HIP1: variants seen among roughly 807,000 people sequenced by gnomAD.
The protein encoded by HIP1 is huntingtin-interacting protein 1.
In HIP1, 65 loss-of-function variants were observed where a neutral mutation model predicts 147.6. The observed-to-expected ratio is 0.44, with a 90% CI of 0.36 to 0.54. The LOEUF is 0.54. Ranked by LOEUF, HIP1 falls within the 20% of genes least tolerant of loss-of-function variation. HIP1 has a pLI of 0.00. For synonymous variants in HIP1, 479 were observed against 504.0 expected (o/e 0.95, Z 0.67); for missense variants, 1,061 against 1,299.6 (o/e 0.82, Z 2.82).
chr7:75,712,183 GA>G (rs1361094271), intron 1 of HIP1, among the ~76,000 whole-genome samples: 229 of 151,886 alleles, frequency 1.5e-3, no homozygotes, highest in African/African-American at 4.4e-3. Context: ...TTTACGGGGG[GA>G]AAAAAAGTTA....
At chr7:75,692,586 A>AG (rs1800499276) in intron 1 of HIP1, among the ~76,000 whole-genome samples, 1 of 115,186 alleles carries the variant, frequency 8.7e-6, no homozygotes, top group Non-Finnish European at 1.8e-5. Flanking sequence ...ACGCCTGGCC[A>AG]ATTTTTTTTT....
intron 7 of HIP1, among the ~76,000 whole-genome samples, chr7:75,579,869 A>G (rs1171366085): frequency 6.6e-6 from 1 of 152,152 alleles, no homozygotes; most frequent in African/African-American, 2.4e-5. Flanking sequence ...GGAGACCTGC[A>G]ATGTGGAACG....
At chr7:75,559,261 C>T (rs587644809) in intron 14 of HIP1, among the ~76,000 whole-genome samples, 2 of 152,118 alleles carry the variant, frequency 1.3e-5, no homozygotes, top group Non-Finnish European at 2.9e-5. Context: ...ACTACAGGCA[C>T]GTGCCACCAT....
intron 2 of HIP1, among the ~76,000 whole-genome samples, chr7:75,596,213 G>A (rs1796737489): frequency 7.5e-6 from 1 of 132,512 alleles, no homozygotes; most frequent in African/African-American, 3.1e-5. Context: ...TCCAGCCTGG[G>A]TGACAGTGCA....
chr7:75,557,356 A>AC (rs880001420), intron 16 of HIP1, among the ~76,000 whole-genome samples: 18 of 151,648 alleles, frequency 1.2e-4, no homozygotes, highest in Non-Finnish European at 1.6e-4. Context: ...ACAAACAAAA[A>AC]AAAACGCTCA....
chr7:75,589,798 T>TCGGCTCAC (rs1250853561), intron 4 of HIP1, among the ~76,000 whole-genome samples: 3 of 148,788 alleles, frequency 2.0e-5, no homozygotes, highest in African/African-American at 7.4e-5. Context: ...TGGTGCGATC[T>TCGGCTCAC]CGGCTCACTG....
chr7:75,649,447 C>T (rs112058558), intron 1 of HIP1, among the ~76,000 whole-genome samples: 47 of 152,284 alleles, frequency 3.1e-4, no homozygotes, highest in African/African-American at 1.1e-3. Context: ...TCCAAGCACC[C>T]ACTATGCACA....
intron 1 of HIP1, among the ~76,000 whole-genome samples, chr7:75,699,804 G>A (rs1800760529): frequency 6.6e-6 from 1 of 152,050 alleles, no homozygotes; most frequent in Admixed American, 6.6e-5. Flanking sequence ...GTGGTTGTCA[G>A]GTTTGGAATG....
intron 29 of HIP1, 144 bp from the exon 30 acceptor site, chr7:75,539,575 C>T: frequency 1.6e-6 from 1 of 621,134 alleles, no homozygotes; most frequent in Non-Finnish European, 2.8e-6. Flanking sequence ...CTGTCTTGGC[C>T]TCCCAAAGTG....
At chr7:75,697,399 C>T (rs1315564866) in intron 1 of HIP1, among the ~76,000 whole-genome samples, 2 of 151,566 alleles carry the variant, frequency 1.3e-5, no homozygotes, top group African/African-American at 4.8e-5. Context: ...TCTAAAAAAA[C>T]ACAGTTCTCT....
chr7:75,664,011 T>C lies in HIP1; in HGVS notation c.121-64764A>G, dbSNP rs1799421454. ...ATATATATACACATATATGTGTATA[T>C]ATATACACATATATGTGTATATATA... On this transcript the variant is annotated intron_variant, in intron 1 of 30. Coordinates refer to ENST00000336926, the MANE Select transcript of HIP1 (RefSeq NM_005338.7). Among the ~76,000 whole-genome samples the C allele has an allele frequency of 2.0e-4, 5 of 25,164 alleles. 2 individuals carry two copies. The highest frequency in any genetic ancestry group is 9.7e-4 in the African/African-American group (2 of 2,066). The allele number at this position is 25,164 out of a possible 152,430, so 16.5% of individuals were successfully genotyped here. A position where few individuals can be genotyped will look rare whatever the true frequency, so the allele number is the denominator to read the frequency against.
At chr7:75,696,281 C>A (rs1045625722) in intron 1 of HIP1, among the ~76,000 whole-genome samples, 1 of 152,234 alleles carries the variant, frequency 6.6e-6, no homozygotes, top group African/African-American at 2.4e-5. Flanking sequence ...AGCCACCATG[C>A]CTGGCCTATC....
At position 75,554,531 on chromosome 7, in the gene HIP1, G is replaced by C; in HGVS notation, c.1964-5C>G. The stretch of plus-strand genomic sequence containing the variant: ...TGACCGTGGAGAGGAGGTGATCTGT[G>C]AGAGGGAACACAGGGCAAGGTCAGA... On this transcript the variant is annotated splice_polypyrimidine_tract_variant and splice_region_variant and intron_variant, in intron 19 of 30. Coordinates refer to ENST00000336926, the MANE Select transcript of HIP1 (RefSeq NM_005338.7). The C allele has an allele frequency of 6.2e-7, 1 of 1,611,346 alleles. No homozygotes were observed. Among genetic ancestry groups the C allele is most frequent in the Non-Finnish European group, 8.5e-7 (1 of 1,177,790 alleles).
chr7:75,592,187 G>A, intron 3 of HIP1, 75 bp from the exon 4 acceptor site: 1 of 1,489,334 alleles, frequency 6.7e-7, no homozygotes, highest in Non-Finnish European at 9.3e-7. Context: ...ATGGAGAGAG[G>A]CGGAGGTGAA....
chr7:75,559,791 T>C lies in HIP1; in HGVS notation c.1316A>G (p.Glu439Gly). ...DCEFLRAELD[E>G]LRRQREDTEK... ...GGTGTCCTCCCGCTGCCTCCTGAGC[T>C]CGTCCAGTTCTGCCCGCAGGAATTC... The change falls in exon 14 of 31, where the codon GAG becomes GGG. Residue 439 changes from glutamate (E) to glycine (G), a missense_variant. By Grantham distance (98) the Glu-to-Gly change is moderately conservative. Coordinates refer to ENST00000336926, the MANE Select transcript of HIP1 (RefSeq NM_005338.7). 1 of 1,586,010 alleles carries C rather than the reference T, an allele frequency of 6.3e-7. No homozygotes were observed. The highest frequency in any genetic ancestry group is 8.6e-7 in the Non-Finnish European group (1 of 1,165,698).
At chr7:75,592,277 AG>A (rs1796523806) in intron 3 of HIP1, 94 bp downstream of exon 3, 1 of 1,463,836 alleles carries the variant, frequency 6.8e-7, no homozygotes. Context: ...AGAAGGGGGC[AG>A]TGTGGGAGAG....
chr7:75,592,555 G>T (rs587660553), intron 2 of HIP1, 41 bp from the exon 3 acceptor site: 1 of 1,598,438 alleles, frequency 6.3e-7, no homozygotes, highest in Admixed American at 1.8e-5. Context: ...GGCTCTGCCA[G>T]TCACTGCAGG....
intron 1 of HIP1, among the ~76,000 whole-genome samples, chr7:75,663,465 G>A (rs889959293): frequency 1.3e-5 from 2 of 151,974 alleles, no homozygotes; most frequent in Non-Finnish European, 2.9e-5. Context: ...CATCCTGGCG[G>A]CACTGCTCCT....
intron 27 of HIP1, among the ~76,000 whole-genome samples, chr7:75,544,042 C>G (rs369788315): frequency 6.6e-6 from 1 of 151,920 alleles, no homozygotes; most frequent in African/African-American, 2.4e-5. Flanking sequence ...CGTGGTGGCA[C>G]GTGTCTGTAG....
Sources: gnomAD v4.1 joint callset for allele counts (sites outside exome capture counted in the v4.1 genomes callset) on GRCh38, gnomAD v4.1.1 for gene constraint, MANE v1.5 for transcripts, NCBI Gene and HGNC (gene_info 2026-07-23, HGNC 2026-07-21) for gene names.